PC: variants seen among roughly 807,000 people sequenced by gnomAD.
PC encodes the protein pyruvate carboxylase, mitochondrial.
Under a neutral mutation model 107.8 loss-of-function variants are expected in PC, and 46 were observed. That is an observed-to-expected ratio of 0.43 (90% confidence interval 0.34 to 0.55). The LOEUF (loss-of-function observed/expected upper bound fraction) is 0.55, where lower values mean the gene tolerates loss of function less well. PC is among the 20% of genes least tolerant of loss of function. The probability of loss-of-function intolerance (pLI) is 0.04; values close to 1 mark genes in which losing one functional copy is unlikely to be tolerated. For synonymous variants in PC, 662 were observed against 684.7 expected, an observed-to-expected ratio of 0.97 and a Z score of 0.52; for missense variants, 1,241 against 1,643.1, an observed-to-expected ratio of 0.76 and a Z score of 4.23.
At position 66,853,902 on chromosome 11, in the gene PC, C is replaced by T. The variant is rs576521405; in HGVS notation, c.1369-519G>A. On this transcript the variant is annotated intron_variant, in intron 12 of 22. Coordinates refer to ENST00000393960, the MANE Select transcript of PC (RefSeq NM_001040716.2). ...ACACCACATGCTCCCCAGGAGGCCCCGTCCCGGGGCTGTGGCGCCAGTGAC... is the reference window on the plus strand; with the variant it reads ...ACACCACATGCTCCCCAGGAGGCCCTGTCCCGGGGCTGTGGCGCCAGTGAC... Among the ~76,000 whole-genome samples the T allele has an allele frequency of 9.8e-5, 15 of 152,380 alleles. No homozygotes were observed. The South Asian group carries it at 2.9e-3, about 29-fold the overall frequency.
At chr11:66,861,643 CAG>C (rs1946264038) in intron 12 of PC, among the ~76,000 whole-genome samples, 1 of 105,104 alleles carries the variant, frequency 9.5e-6, no homozygotes, top group South Asian at 3.1e-4. Flanking sequence ...GGGCGCGGGA[CAG>C]GGTGGGTGGG....
At chr11:66,909,616 C>T (rs1405564648) in intron 3 of PC, among the ~76,000 whole-genome samples, 4 of 152,180 alleles carry the variant, frequency 2.6e-5, no homozygotes, top group Non-Finnish European at 4.4e-5. Context: ...GGAGCCGGAG[C>T]GGACAAGAAG....
At position 66,871,286 on chromosome 11, in the gene PC, G is replaced by C; in HGVS notation, c.487+29C>G. 2 of 1,614,038 alleles carry C rather than the reference G, an allele frequency of 1.2e-6. No homozygotes were observed. The highest frequency in any genetic ancestry group is 1.7e-5 in the Admixed American group (1 of 60,032). The stretch of plus-strand genomic sequence containing the variant: ...CTGGACCCTCTCCAGGAGCTGCGGG[G>C]CCACCCCTTGCTTGCCCGTTATATT... On this transcript the variant is annotated intron_variant, in intron 6 of 22. Transcript: ENST00000393960. The surrounding 1 kb of genome is among the most constrained non-coding windows in gnomAD (Gnocchi z 7.4).
At chr11:66,894,153 G>A (rs1203978851) in intron 3 of PC, among the ~76,000 whole-genome samples, 1 of 152,028 alleles carries the variant, frequency 6.6e-6, no homozygotes, top group African/African-American at 2.4e-5. Flanking sequence ...CTGAAAAGTG[G>A]GGTAATTCTC....
chr11:66,924,964 T>A (rs1948678859), intron 3 of PC, among the ~76,000 whole-genome samples: 1 of 152,046 alleles, frequency 6.6e-6, no homozygotes, highest in Non-Finnish European at 1.5e-5. Flanking sequence ...AGGGGAGACA[T>A]CACATGTTGG....
intron 11 of PC, among the ~76,000 whole-genome samples, chr11:66,864,948 T>C (rs892605978): frequency 2.0e-5 from 3 of 152,144 alleles, no homozygotes; most frequent in South Asian, 2.1e-4. Flanking sequence ...CTGTGTTCAA[T>C]AAAAAGGAAC....
At chr11:66,891,469 C>T (rs902385907) in intron 3 of PC, among the ~76,000 whole-genome samples, 15 of 152,074 alleles carry the variant, frequency 9.9e-5, no homozygotes, top group African/African-American at 3.6e-4. Context: ...TCTCAGCTCA[C>T]CACAACCTCC....
intron 3 of PC, among the ~76,000 whole-genome samples, chr11:66,934,130 C>T (rs149888612): frequency 6.6e-6 from 1 of 152,270 alleles, no homozygotes; most frequent in African/African-American, 2.4e-5. Flanking sequence ...TCCGGGGGCA[C>T]CCGCCTCCTA....
At chr11:66,947,344 G>A (rs1052370542) in intron 3 of PC, among the ~76,000 whole-genome samples, 2 of 152,136 alleles carry the variant, frequency 1.3e-5, no homozygotes, top group African/African-American at 4.8e-5. Flanking sequence ...AGCACTTTGG[G>A]AGGCCGAGGC....
chr11:66,906,428 C>T (rs960191925), intron 3 of PC, among the ~76,000 whole-genome samples: 1 of 152,206 alleles, frequency 6.6e-6, no homozygotes, highest in Non-Finnish European at 1.5e-5. Flanking sequence ...GCAGGTCTCC[C>T]TCGGTGTCAC....
intron 3 of PC, among the ~76,000 whole-genome samples, chr11:66,926,574 C>G (rs941268774): frequency 6.6e-6 from 1 of 152,116 alleles, no homozygotes; most frequent in Non-Finnish European, 1.5e-5. Context: ...AATATATAGG[C>G]CTAATGATGC....
At position 66,852,634 on chromosome 11, in the gene PC, T is replaced by C. The variant is rs1945571033; in HGVS notation, c.1630A>G (p.Ile544Val). The C allele has an allele frequency of 6.2e-7, 1 of 1,613,738 alleles. No homozygotes were observed. Among genetic ancestry groups the C allele is most frequent in the Non-Finnish European group, 8.5e-7 (1 of 1,179,822 alleles). ...IGPPPAGFRD[I>V]LLREGPEGFA... ...CCCTCAGGCCCCTCTCGCAGCAGGA[T>C]GTCTCTGAAACCAGCCGGGGGCGGG... Residue 544 changes from isoleucine (I) to valine (V), a missense_variant, in exon 15 of 23, where the codon ATC becomes GTC. By Grantham distance (29) the Ile-to-Val change is conservative. This residue lies in a region of PC where 1,143 missense variants were observed against 1,551.9 expected (regional missense o/e 0.74). Transcript: ENST00000393960. The surrounding 1 kb of genome is among the most constrained non-coding windows in gnomAD (Gnocchi z 4.7).
In PC at chr11:66,850,276, T is replaced by C; in HGVS notation, c.2662A>G (p.Lys888Glu). The stretch of plus-strand genomic sequence containing the variant: ...TCCACATAGGCCTTCTTGACCTCCT[T>C]GAACTTGGAGCCAAGCCCCATGCTG... ...AHSMGLGSKF[K>E]EVKKAYVEAN... The change falls in exon 19 of 23, where the codon AAG (lysine) becomes GAG (glutamate). Residue 888 changes from lysine to glutamate, a missense_variant. Physicochemically the swap from Lys to Glu is moderately conservative, Grantham distance 56. Coordinates refer to ENST00000393960, the MANE Select transcript of PC (RefSeq NM_001040716.2). 1 of 1,614,134 alleles carries C rather than the reference T, an allele frequency of 6.2e-7. No individual in the cohort carries two copies. Among genetic ancestry groups the C allele is most frequent in the Non-Finnish European group, 8.5e-7 (1 of 1,180,026 alleles).
At position 66,921,406 on chromosome 11, in the gene PC, G is replaced by A. The variant is rs934579968; in HGVS notation, c.-1+31024C>T. ...CCAAGATGTCTAAGCAAAGAACCCT[G>A]CTTCCTCCCAGACCCCAGGCATTGC... On this transcript the variant is annotated intron_variant, in intron 3 of 22. Coordinates refer to ENST00000393960, the MANE Select transcript of PC (RefSeq NM_001040716.2). 5.3e-5 allele frequency among the ~76,000 whole-genome samples: 8 copies of A among 152,188 alleles called. No homozygotes were observed. The East Asian group carries it at 1.5e-3, about 29-fold the overall frequency.
Position 66,871,792 on chromosome 11 carries a change from C to T in PC, c.216G>A (p.Thr72=), listed in dbSNP as rs117711892. The stretch of plus-strand genomic sequence containing the variant: ...CTGCTTTCTGCCGGTGCATCTGGCC[C>T]GTGTCCTGCTCAGAGTAGATGGCTA... ...RTVAIYSEQD[T]GQMHRQKADE... is the part of the protein sequence containing the mutation. Residue 72 remains threonine, a synonymous_variant, in exon 5 of 23, where the codon ACG becomes ACA. Coordinates refer to ENST00000393960, the MANE Select transcript of PC (RefSeq NM_001040716.2). This position sits in a 1 kb window ranked among gnomAD's most constrained non-coding sequence, Gnocchi z 7.4. 1.2e-3 allele frequency: 1,874 copies of T among 1,606,428 alleles called. 9 individuals carry two copies. Among genetic ancestry groups the T allele is most frequent in the South Asian group, 5.8e-3 (523 of 89,892 alleles).
chr11:66,922,245 A>G (rs541946756), intron 3 of PC, among the ~76,000 whole-genome samples: 1 of 152,286 alleles, frequency 6.6e-6, no homozygotes, highest in East Asian at 1.9e-4. Flanking sequence ...TCTAAGATTA[A>G]AACAGTCTTT....
At position 66,871,426 on chromosome 11, in the gene PC, C is replaced by T. The variant is rs1946726925; in HGVS notation, c.376G>A (p.Asp126Asn). ...GCATCCTGGCAGGCCTGGGCGAAGT[C>T]CGCTCGCTCAGAGAGGAACCCGTAG... Reference protein sequence around the residue: ...PGYGFLSERADFAQACQDAGV... With the variant: ...PGYGFLSERANFAQACQDAGV... The change falls in exon 6 of 23, where the codon GAC becomes AAC. Residue 126 changes from aspartate to asparagine, a missense_variant. By Grantham distance (23) the Asp-to-Asn change is conservative (BLOSUM62 1). This residue lies in a region of PC where 1,143 missense variants were observed against 1,551.9 expected (regional missense o/e 0.74). Coordinates refer to ENST00000393960, the MANE Select transcript of PC (RefSeq NM_001040716.2). This position sits in a 1 kb window ranked among gnomAD's most constrained non-coding sequence, Gnocchi z 7.4. 6.2e-7 allele frequency: 1 copy of T among 1,613,610 alleles called. No homozygotes were observed. Among genetic ancestry groups the T allele is most frequent in the Middle Eastern group, 1.6e-4 (1 of 6,062 alleles).
Position 66,877,976 on chromosome 11 carries a change from A to G in PC, c.1-5817T>C, listed in dbSNP as rs566518271. Among the ~76,000 whole-genome samples, 31 of 152,262 alleles carry G rather than the reference A, an allele frequency of 2.0e-4. 1 individual carries two copies. Among genetic ancestry groups the G allele is most frequent in the Admixed American group, 7.8e-4 (12 of 15,294 alleles). On this transcript the variant is annotated intron_variant, in intron 3 of 22. Transcript: ENST00000393960. ...CTATATTTCCATATGGAAAATTTCC[A>G]TATTTTCTCCATTGGGGATGCGTTA...
intron 3 of PC, among the ~76,000 whole-genome samples, chr11:66,896,819 C>T (rs1565270271): frequency 6.6e-6 from 1 of 152,240 alleles, no homozygotes; most frequent in Admixed American, 6.5e-5. Context: ...TATATACGCA[C>T]ATACACTCAT....
Sources: gnomAD v4.1 joint callset for allele counts (sites outside exome capture counted in the v4.1 genomes callset) on GRCh38, gnomAD v4.1.1 for gene constraint, gnomAD v4.1.1 regional missense constraint, Gnocchi (gnomAD v3.1) non-coding constraint, MANE v1.5 for transcripts, NCBI Gene and HGNC (gene_info 2026-07-23, HGNC 2026-07-21) for gene names.